The following ATRNL1 variants were observed in gnomAD, a reference collection of about 807,000 sequenced individuals.
ATRNL1 encodes attractin like 1, also known as attractin-like protein 1.
A neutral mutation model predicts 182.7 loss-of-function variants in ATRNL1; 95 were observed. The observed-to-expected ratio is 0.52, with a 90% CI of 0.44 to 0.62. The LOEUF is 0.62. Ranked by LOEUF, ATRNL1 falls within the 20% of genes least tolerant of loss-of-function variation. The pLI is 0.00. For synonymous variants in ATRNL1, 576 were observed against 568.3 expected (o/e 1.01, Z -0.19); for missense variants, 1,471 against 1,679.5 (o/e 0.88, Z 2.17).
intron 19 of ATRNL1, among the ~76,000 whole-genome samples, chr10:115,379,863 G>A (rs185997624): frequency 1.2e-4 from 18 of 152,200 alleles, no homozygotes; most frequent in African/African-American, 4.3e-4. Flanking sequence ...GTCTTGCTCT[G>A]TGGCCCAGGC....
chr10:115,341,276 T>C (rs1384135600), intron 19 of ATRNL1, among the ~76,000 whole-genome samples: 1 of 152,126 alleles, frequency 6.6e-6, no homozygotes, highest in Non-Finnish European at 1.5e-5. Context: ...TCATTGACCC[T>C]CTGGTCATTC....
intron 21 of ATRNL1, among the ~76,000 whole-genome samples, chr10:115,431,350 G>A (rs1342968198): frequency 4.6e-5 from 7 of 150,872 alleles, no homozygotes; most frequent in Admixed American, 3.3e-4. Context: ...GGAGGTTGCG[G>A]AGAACTGAGA....
chr10:115,163,212 A>T (rs1264821951), intron 6 of ATRNL1, among the ~76,000 whole-genome samples: 1 of 151,888 alleles, frequency 6.6e-6, no homozygotes, highest in African/African-American at 2.4e-5. Flanking sequence ...ATCACTTGTT[A>T]TTCTTCGGCT....
At chr10:115,581,895 TC>T (rs1377447698) in intron 26 of ATRNL1, among the ~76,000 whole-genome samples, 88 of 70,110 alleles carry the variant, frequency 1.3e-3, no homozygotes, top group African/African-American at 4.6e-3. Context: ...CCCTCCCCCC[TC>T]CCCCCACCCC....
At chr10:115,293,317 A>G (rs1052628882) in intron 15 of ATRNL1, among the ~76,000 whole-genome samples, 11 of 152,056 alleles carry the variant, frequency 7.2e-5, no homozygotes, top group African/African-American at 2.7e-4. Flanking sequence ...CAGACAGTCT[A>G]TATCTCTTAA....
rs1396945828 is a variant in ATRNL1, at chr10:115,587,788, A to G, written c.3795+38252A>G. ...TCGGCCATCTTGGCTTCTCCTCCCA[A>G]CAAGTTCTTTTGACACTAAACTTTT... On this transcript the variant is annotated intron_variant, in intron 26 of 28. Transcript: ENST00000355044. Among the ~76,000 whole-genome samples the G allele has an allele frequency of 3.3e-5, 5 of 152,260 alleles. No homozygotes were observed. The East Asian group carries it at 9.7e-4, about 29-fold the overall frequency.
At chr10:115,443,321 C>A (rs1459182818) in intron 21 of ATRNL1, among the ~76,000 whole-genome samples, 1 of 151,860 alleles carries the variant, frequency 6.6e-6, no homozygotes, top group Non-Finnish European at 1.5e-5. Flanking sequence ...TAGCATTTGC[C>A]TGATGTGTCT....
intron 28 of ATRNL1, among the ~76,000 whole-genome samples, chr10:115,916,210 A>C (rs782157279): frequency 2.0e-5 from 3 of 152,196 alleles, no homozygotes; most frequent in Non-Finnish European, 4.4e-5. Flanking sequence ...CACATATTGG[A>C]TTGTGACTGC....
chr10:115,484,540 C>G (rs180966702), intron 24 of ATRNL1, among the ~76,000 whole-genome samples: 166 of 151,734 alleles, frequency 1.1e-3, no homozygotes, highest in African/African-American at 3.7e-3. Context: ...ATAAGTCATA[C>G]AATTTTTAAG....
rs1471846506 is a variant in ATRNL1 at position 115,326,914 on chromosome 10, A to G, written c.3038-7368A>G. Among the ~76,000 whole-genome samples the G allele has an allele frequency of 8.5e-5, 13 of 152,318 alleles. No individual in the cohort carries two copies. In the East Asian group the frequency reaches 2.5e-3, roughly 29 times the overall value. ...AGCTGAAACTGGATCCCTTCCTTAC[A>G]CCTTATACAAAAATCAATTGAAGAT... On this transcript the variant is annotated intron_variant, in intron 18 of 28. Transcript: ENST00000355044.
chr10:115,575,278 A>T (rs1555004787), intron 26 of ATRNL1, among the ~76,000 whole-genome samples: 3 of 152,164 alleles, frequency 2.0e-5, no homozygotes, highest in Non-Finnish European at 4.4e-5. Context: ...TTGAACTGAG[A>T]TTTGAGCAAT....
chr10:115,618,915 A>T (rs1206310606), intron 26 of ATRNL1, among the ~76,000 whole-genome samples: 1 of 152,078 alleles, frequency 6.6e-6, no homozygotes, highest in African/African-American at 2.4e-5. Flanking sequence ...TCATACCTGG[A>T]TGTCTGTGCA....
At chr10:115,124,971 T>G (rs782259302) in intron 3 of ATRNL1, among the ~76,000 whole-genome samples, 3 of 152,194 alleles carry the variant, frequency 2.0e-5, no homozygotes, top group Non-Finnish European at 4.4e-5. Flanking sequence ...TAATCCTTCA[T>G]GTTGACTTTC....
Position 115,230,904 on chromosome 10 carries a change from AGAGAGAGAG to A in ATRNL1, c.1533-10666_1533-10658del, listed in dbSNP as rs1849907061. ...GAGAGAGAGAGAGAGAGAGAGAGAG[AGAGAGAGAG>A]AGAGAGAGAAAGAGAGAAATAGTGA... On this transcript the variant is annotated intron_variant, in intron 9 of 28. Coordinates refer to ENST00000355044, the MANE Select transcript of ATRNL1 (RefSeq NM_207303.4). Among the ~76,000 whole-genome samples the A allele has an allele frequency of 3.3e-3, 480 of 146,164 alleles. 4 individuals carry two copies. Among genetic ancestry groups the A allele is most frequent in the African/African-American group, 0.012 (458 of 37,546 alleles).
chr10:115,882,436 A>G (rs7080369), intron 28 of ATRNL1, among the ~76,000 whole-genome samples: 7,516 of 152,176 alleles, frequency 0.049, 440 homozygotes, highest in African/African-American at 0.14. Context: ...ACACTGAGTT[A>G]GTTGTTCTTT....
intron 27 of ATRNL1, among the ~76,000 whole-genome samples, chr10:115,757,581 T>G (rs1327548326): frequency 6.6e-6 from 1 of 152,222 alleles, no homozygotes; most frequent in African/African-American, 2.4e-5. Flanking sequence ...TCTCTTTGGC[T>G]GCCCTTAACA....
At chr10:115,135,273 A>G (rs1554876335) in intron 5 of ATRNL1, among the ~76,000 whole-genome samples, 4 of 152,170 alleles carry the variant, frequency 2.6e-5, no homozygotes, top group Non-Finnish European at 2.9e-5. Context: ...ACATGATTGT[A>G]TATTTAGAAA....
intron 26 of ATRNL1, among the ~76,000 whole-genome samples, chr10:115,585,404 C>T (rs1346470544): frequency 8.3e-6 from 1 of 121,082 alleles, no homozygotes; most frequent in East Asian, 2.1e-4. Context: ...GTAGGTCACT[C>T]AGGACTTGCT....
At chr10:115,385,128 C>T (rs1311757902) in intron 19 of ATRNL1, among the ~76,000 whole-genome samples, 1 of 152,002 alleles carries the variant, frequency 6.6e-6, no homozygotes, top group Non-Finnish European at 1.5e-5. Flanking sequence ...AATTGTCAAA[C>T]TGTTTTTCAA....
Sources: gnomAD v4.1 joint callset for allele counts (sites outside exome capture counted in the v4.1 genomes callset) on GRCh38, gnomAD v4.1.1 for gene constraint, MANE v1.5 for transcripts, NCBI Gene and HGNC (gene_info 2026-07-23, HGNC 2026-07-21) for gene names.